Variants in TTC17 observed in about 807,000 individuals in gnomAD.
The protein encoded by TTC17 is tetratricopeptide repeat protein 17.
In TTC17, 58 loss-of-function variants were observed where a neutral mutation model predicts 143.8. The ratio of observed to expected loss-of-function variants is 0.40; its 90% CI spans 0.33 to 0.50. TTC17 has a LOEUF of 0.50. Among genes scored for constraint, TTC17 ranks in the 20% least tolerant of loss-of-function variants. The probability of loss-of-function intolerance (pLI) is 0.49; values close to 1 mark genes in which losing one functional copy is unlikely to be tolerated. For synonymous variants in TTC17, 501 were observed against 497.8 expected (o/e 1.01, Z -0.09); for missense variants, 1,273 against 1,392.5 (o/e 0.91, Z 1.37).
intron 21 of TTC17, chr11:43,468,479 G>A (rs1948024963): frequency 6.6e-6 from 1 of 151,974 alleles, no homozygotes; most frequent in Non-Finnish European, 1.5e-5. Flanking sequence ...ACATCATCCA[G>A]AAAAATCAAC....
At chr11:43,386,433 A>T (rs1857172029) in intron 2 of TTC17, among the ~76,000 whole-genome samples, 1 of 152,210 alleles carries the variant, frequency 6.6e-6, no homozygotes, top group Non-Finnish European at 1.5e-5. Context: ...AACTAAGCAT[A>T]AAAAAGGTAC....
chr11:43,441,089 G>C (rs1947407810), intron 16 of TTC17, among the ~76,000 whole-genome samples: 1 of 148,072 alleles, frequency 6.8e-6, no homozygotes, highest in Non-Finnish European at 1.5e-5. Context: ...GGCCAACATA[G>C]CAAAACCCCA....
At chr11:43,470,361 G>A (rs554690304) in intron 21 of TTC17, among the ~76,000 whole-genome samples, 1 of 152,238 alleles carries the variant, frequency 6.6e-6, no homozygotes, top group Non-Finnish European at 1.5e-5. Context: ...ATTAATTGTG[G>A]GAACTACCCT....
chr11:43,432,777 A>G (rs1450842198), intron 16 of TTC17, among the ~76,000 whole-genome samples: 1 of 150,888 alleles, frequency 6.6e-6, no homozygotes, highest in Non-Finnish European at 1.5e-5. Flanking sequence ...TTTTTCCACA[A>G]AGGCAACTTT....
intron 16 of TTC17, among the ~76,000 whole-genome samples, chr11:43,440,465 G>C (rs539085324): frequency 6.8e-4 from 104 of 152,284 alleles, no homozygotes; most frequent in African/African-American, 2.4e-3. Context: ...GAAAAATCTT[G>C]AAATCACCTT....
intron 1 of TTC17, among the ~76,000 whole-genome samples, chr11:43,368,314 A>C (rs901278360): frequency 6.6e-6 from 1 of 152,148 alleles, no homozygotes; most frequent in African/African-American, 2.4e-5. Context: ...TCAGACTCAT[A>C]TATCCAACTG....
chr11:43,476,837 C>CAT (rs369344157), intron 21 of TTC17, among the ~76,000 whole-genome samples: 42 of 151,702 alleles, frequency 2.8e-4, no homozygotes, highest in Middle Eastern at 3.4e-3. Context: ...CAGGGATTAA[C>CAT]ATTAGACTCC....
intron 10 of TTC17, among the ~76,000 whole-genome samples, chr11:43,403,647 G>T (rs997224637): frequency 6.9e-6 from 1 of 145,378 alleles, no homozygotes; most frequent in African/African-American, 2.5e-5. Context: ...AGAGTGGTGA[G>T]CATTTTAGTG....
chr11:43,369,964 T>TAA, intron 1 of TTC17: 1 of 415,580 alleles, frequency 2.4e-6, no homozygotes, highest in Middle Eastern at 5.2e-4. Context: ...CAAAAAGTCA[T>TAA]AATTAACAAA....
chr11:43,479,954 T>A (rs1053100510), intron 21 of TTC17, among the ~76,000 whole-genome samples: 7 of 151,870 alleles, frequency 4.6e-5, no homozygotes, highest in Admixed American at 1.3e-4. Context: ...GAGACTAGAG[T>A]GCTGTTGCTG....
chr11:43,373,616 C>T (rs1469378502), intron 1 of TTC17, among the ~76,000 whole-genome samples: 10 of 152,146 alleles, frequency 6.6e-5, no homozygotes, highest in African/African-American at 1.4e-4. Flanking sequence ...AACCACCACA[C>T]GCGGCCCTAA....
chr11:43,390,033 G>A (rs7130450), intron 3 of TTC17, among the ~76,000 whole-genome samples: 6,490 of 152,210 alleles, frequency 0.043, 168 homozygotes, highest in South Asian at 0.1. Flanking sequence ...TTGGCTGGGC[G>A]TGGTGCCTCA....
At chr11:43,466,806 A>G (rs568523856) in intron 21 of TTC17, 2 of 307,776 alleles carry the variant, frequency 6.5e-6, no homozygotes, top group African/African-American at 2.2e-5. Context: ...TGTGGAAGCC[A>G]TGGAATGCTT....
intron 1 of TTC17, among the ~76,000 whole-genome samples, chr11:43,362,057 C>G (rs11037422): frequency 1.3e-5 from 2 of 150,932 alleles, no homozygotes; most frequent in South Asian, 2.1e-4. Context: ...CTTGGCTCAC[C>G]ACAACCTCCG....
intron 21 of TTC17, among the ~76,000 whole-genome samples, chr11:43,454,185 A>C (rs1303876349): frequency 6.6e-6 from 1 of 152,208 alleles, no homozygotes; most frequent in Non-Finnish European, 1.5e-5. Flanking sequence ...TGGGAATTAA[A>C]GAATGGTACT....
chr11:43,391,598 T>C, intron 4 of TTC17, 22 bp downstream of exon 4: 1 of 1,315,868 alleles, frequency 7.6e-7, no homozygotes, highest in Non-Finnish European at 9.9e-7. Flanking sequence ...ACTTTAGGAT[T>C]TTTTTTTTTT....
intron 21 of TTC17, among the ~76,000 whole-genome samples, chr11:43,471,673 C>T (rs554889166): frequency 6.6e-6 from 1 of 152,266 alleles, no homozygotes; most frequent in Non-Finnish European, 1.5e-5. Flanking sequence ...TGAGTATTCA[C>T]GGATAAAGTG....
intron 2 of TTC17, among the ~76,000 whole-genome samples, chr11:43,388,994 A>C (rs1047245406): frequency 2.0e-5 from 3 of 150,766 alleles, no homozygotes; most frequent in Admixed American, 6.6e-5. Flanking sequence ...AAAAAAATTA[A>C]CTGGGCATGT....
rs150546878 is a variant in TTC17 at position 43,470,290 on chromosome 11, T to A, written c.3030+19025T>A. Among the ~76,000 whole-genome samples the A allele has an allele frequency of 6.0e-3, 915 of 152,284 alleles. 10 individuals carry two copies. The highest frequency in any genetic ancestry group is 0.033 in the South Asian group (161 of 4,816). Reference sequence around the variant, plus strand: ...GTTCGCACCTTAGTCCAGGGGCCATTCTCTGCCCACCCGCATTTTCTGCCA... The same window carrying A: ...GTTCGCACCTTAGTCCAGGGGCCATACTCTGCCCACCCGCATTTTCTGCCA... On this transcript the variant is annotated intron_variant, in intron 21 of 23. Coordinates refer to ENST00000039989, the MANE Select transcript of TTC17 (RefSeq NM_018259.6).
Sources: allele counts gnomAD v4.1 joint callset (sites outside exome capture counted in the v4.1 genomes callset), GRCh38; gene constraint gnomAD v4.1.1; transcripts MANE v1.5; gene names NCBI Gene and HGNC (gene_info 2026-07-23, HGNC 2026-07-21).